The following ZC2HC1A variants were observed in gnomAD, a reference collection of about 807,000 sequenced individuals.
ZC2HC1A encodes the protein zinc finger C2HC domain-containing protein 1A.
In ZC2HC1A, 28 loss-of-function variants were observed where a neutral mutation model predicts 40.7. The ratio of observed to expected loss-of-function variants is 0.69; its 90% CI spans 0.51 to 0.94. The LOEUF is 0.94. Ranked by LOEUF, ZC2HC1A falls within the 40% of genes least tolerant of loss-of-function variation. ZC2HC1A has a pLI of 0.00. For missense variants in ZC2HC1A, 389 were observed against 386.3 expected (o/e 1.01, Z -0.06); for synonymous variants, 129 against 129.2 (o/e 1.00, Z 0.01).
At chr8:78,673,301 T>A (rs749308246) in intron 1 of ZC2HC1A, among the ~76,000 whole-genome samples, 2 of 152,176 alleles carry the variant, frequency 1.3e-5, no homozygotes, top group Admixed American at 6.6e-5. Context: ...ACATTTTGTT[T>A]ATCCAGTCTA....
intron 1 of ZC2HC1A, among the ~76,000 whole-genome samples, chr8:78,672,920 T>G (rs182116112): frequency 8.1e-4 from 123 of 152,294 alleles, no homozygotes; most frequent in African/African-American, 2.7e-3. Context: ...AATTTTACTT[T>G]AAGTTCTGGG....
In ZC2HC1A at chr8:78,718,007, G is replaced by A. The variant is rs1420040851; in HGVS notation, c.*514G>A. On this transcript the variant is annotated 3_prime_UTR_variant, in exon 9 of 9. Transcript: ENST00000263849. ...TAGGTATGTTAAGGTCACTCCTGTA[G>A]AGCATGTCAACAAATTATTTCATAA... The A allele has an allele frequency of 6.6e-6, 1 of 151,788 alleles. No homozygotes were observed. The highest frequency in any genetic ancestry group is 1.5e-5 in the Non-Finnish European group (1 of 67,880). The allele number at this position is 151,788 out of a possible 1,614,324, so 9.4% of individuals were successfully genotyped here.
chr8:78,710,128 T>G (rs2717540), intron 7 of ZC2HC1A, among the ~76,000 whole-genome samples: 3 of 151,962 alleles, frequency 2.0e-5, no homozygotes, highest in African/African-American at 7.3e-5. Context: ...TGAAGGCCTG[T>G]GAAAGTATTA....
intron 2 of ZC2HC1A, among the ~76,000 whole-genome samples, chr8:78,677,495 A>G (rs1809619352): frequency 6.6e-6 from 1 of 152,178 alleles, no homozygotes; most frequent in African/African-American, 2.4e-5. Flanking sequence ...CACCTGTCCT[A>G]TTATTTTGTG....
intron 8 of ZC2HC1A, among the ~76,000 whole-genome samples, chr8:78,716,358 C>T (rs1253811961): frequency 6.6e-6 from 1 of 151,882 alleles, no homozygotes; most frequent in Non-Finnish European, 1.5e-5. Context: ...CTCCTGACCT[C>T]ATGATCCACC....
chr8:78,715,118 C>T (rs1811058823), intron 7 of ZC2HC1A, 103 bp from the exon 8 acceptor site: 1 of 988,792 alleles, frequency 1.0e-6, no homozygotes, highest in South Asian at 1.9e-5. Flanking sequence ...TTTTGAACTT[C>T]TCTGAAGCTT....
intron 1 of ZC2HC1A, among the ~76,000 whole-genome samples, chr8:78,674,491 G>C (rs1809518542): frequency 6.6e-6 from 1 of 152,152 alleles, no homozygotes; most frequent in African/African-American, 2.4e-5. Flanking sequence ...ACTCTGGATT[G>C]TTAGTGGACT....
At chr8:78,710,191 C>G (rs1335276782) in intron 7 of ZC2HC1A, among the ~76,000 whole-genome samples, 1 of 152,070 alleles carries the variant, frequency 6.6e-6, no homozygotes, top group Non-Finnish European at 1.5e-5. Context: ...TTTTTGATAG[C>G]CTAATGGCAA....
intron 1 of ZC2HC1A, among the ~76,000 whole-genome samples, chr8:78,669,863 C>A (rs1809391590): frequency 6.6e-6 from 1 of 152,020 alleles, no homozygotes; most frequent in Admixed American, 6.6e-5. Context: ...TGTTTTTTAT[C>A]ATCCTTATAC....
rs1453877247 is a variant in ZC2HC1A, at chr8:78,717,564, C to G, written c.*71C>G. 8 of 1,450,744 alleles carry G rather than the reference C, an allele frequency of 5.5e-6. No individual in the cohort carries two copies. The East Asian group carries it at 9.1e-5, about 17-fold the overall frequency. 89.9% of individuals were successfully genotyped at this position (1,450,744 alleles called of 1,614,324 possible). Reference sequence around the variant, plus strand: ...TATTGCTGCTTGGACAGCTAGAGCACATCCTCTAGTTAGTTTGTGCTAAAA... The same window carrying G: ...TATTGCTGCTTGGACAGCTAGAGCAGATCCTCTAGTTAGTTTGTGCTAAAA... On this transcript the variant is annotated 3_prime_UTR_variant, in exon 9 of 9. Coordinates refer to ENST00000263849, the MANE Select transcript of ZC2HC1A (RefSeq NM_016010.3).
intron 3 of ZC2HC1A, among the ~76,000 whole-genome samples, chr8:78,679,893 T>C (rs2130450217): frequency 6.6e-6 from 1 of 152,318 alleles, no homozygotes; most frequent in South Asian, 2.1e-4. Flanking sequence ...TATGACGTTT[T>C]TCTTAGTTAC....
At chr8:78,704,111 G>A (rs995312452) in intron 7 of ZC2HC1A, among the ~76,000 whole-genome samples, 11 of 152,132 alleles carry the variant, frequency 7.2e-5, no homozygotes, top group Non-Finnish European at 4.4e-5. Flanking sequence ...GCCAGGTGTG[G>A]TGGCTCACGC....
intron 3 of ZC2HC1A, among the ~76,000 whole-genome samples, chr8:78,685,732 T>G (rs1256915833): frequency 6.6e-6 from 1 of 152,230 alleles, no homozygotes; most frequent in African/African-American, 2.4e-5. Flanking sequence ...CTATTTTTCA[T>G]ATTTCTAATC....
At chr8:78,705,730 T>A (rs537032319) in intron 7 of ZC2HC1A, among the ~76,000 whole-genome samples, 1 of 152,282 alleles carries the variant, frequency 6.6e-6, no homozygotes, top group South Asian at 2.1e-4. Context: ...GTGGGAGTTC[T>A]ATCCCAGGGA....
In ZC2HC1A at chr8:78,719,379, T is replaced by A. The variant is rs1265780837; in HGVS notation, c.*1886T>A. Reference sequence around the variant, plus strand: ...GGAGATGAGTTGGTAAGAAATCATCTAGTTCCAGAGCCCAGAGATTATAAA... The same window carrying A: ...GGAGATGAGTTGGTAAGAAATCATCAAGTTCCAGAGCCCAGAGATTATAAA... On this transcript the variant is annotated 3_prime_UTR_variant, in exon 9 of 9. Coordinates refer to ENST00000263849, the MANE Select transcript of ZC2HC1A (RefSeq NM_016010.3). 6.6e-6 allele frequency: 1 copy of A among 151,752 alleles called. No homozygotes were observed. The highest frequency in any genetic ancestry group is 2.4e-5 in the African/African-American group (1 of 41,432). The allele number at this position is 151,752 out of a possible 1,614,324, so 9.4% of individuals were successfully genotyped here.
At chr8:78,685,027 TA>T in intron 3 of ZC2HC1A, among the ~76,000 whole-genome samples, 1 of 152,238 alleles carries the variant, frequency 6.6e-6, no homozygotes, top group East Asian at 1.9e-4. Context: ...AGGAAAAGAT[TA>T]AAAAAGCTTA....
At chr8:78,694,974 A>G (rs892908438) in intron 5 of ZC2HC1A, among the ~76,000 whole-genome samples, 1 of 152,186 alleles carries the variant, frequency 6.6e-6, no homozygotes, top group Non-Finnish European at 1.5e-5. Context: ...GTTGATTGAT[A>G]GAGTCATTCT....
intron 3 of ZC2HC1A, among the ~76,000 whole-genome samples, chr8:78,680,436 C>T (rs762563091): frequency 6.6e-6 from 1 of 152,092 alleles, no homozygotes; most frequent in Non-Finnish European, 1.5e-5. Context: ...GAATCTCAGC[C>T]TCCTCCCAAA....
intron 5 of ZC2HC1A, among the ~76,000 whole-genome samples, chr8:78,692,424 C>T (rs1287598815): frequency 6.6e-6 from 1 of 152,112 alleles, no homozygotes; most frequent in African/African-American, 2.4e-5. Flanking sequence ...TTTCTGTTGA[C>T]TTGACATTTT....
Sources: allele counts gnomAD v4.1 joint callset (sites outside exome capture counted in the v4.1 genomes callset), GRCh38; gene constraint gnomAD v4.1.1; transcripts MANE v1.5; gene names NCBI Gene and HGNC (gene_info 2026-07-23, HGNC 2026-07-21).